The following MTCL1 variants were observed in gnomAD, a reference collection of about 807,000 sequenced individuals.
The protein encoded by MTCL1 is microtubule crosslinking factor 1, also known as microtubule cross-linking factor 1.
MTCL1 carries 79 observed loss-of-function variants against 141.4 expected under a neutral mutation model. That is an observed-to-expected ratio of 0.56 (90% CI 0.47 to 0.67). The LOEUF is 0.67. MTCL1 is among the 30% of genes least tolerant of loss of function. MTCL1 has a pLI of 0.00. For missense variants in MTCL1, 2,177 were observed against 2,113.9 expected (o/e 1.03, Z -0.59); for synonymous variants, 914 against 875.8 (o/e 1.04, Z -0.77).
chr18:8,752,622 AT>A (rs2096377535), intron 4 of MTCL1, among the ~76,000 whole-genome samples: 1 of 152,220 alleles, frequency 6.6e-6, no homozygotes. Flanking sequence ...GGGGGTAACT[AT>A]TTAAAAATCT....
At chr18:8,790,551 C>T (rs555874952) in intron 7 of MTCL1, among the ~76,000 whole-genome samples, 1 of 152,308 alleles carries the variant, frequency 6.6e-6, no homozygotes, top group Non-Finnish European at 1.5e-5. Context: ...CAGATGTGGC[C>T]GCTGTGTTTA....
At chr18:8,793,143 G>A (rs1475188973) in intron 8 of MTCL1, 23 bp downstream of exon 7, 1 of 1,611,284 alleles carries the variant, frequency 6.2e-7, no homozygotes, top group Non-Finnish European at 8.5e-7. Context: ...CACGGACTCA[G>A]CACAACCGCT....
chr18:8,706,456 C>G (rs910065756), exon 1 of MTCL1: 1 of 1,236,300 alleles, frequency 8.1e-7, no homozygotes, highest in South Asian at 3.9e-5. Context: ...CAGCCCCGAG[C>G]CCCCAGCGCT....
At chr18:8,790,574 C>G (rs1354142276) in intron 7 of MTCL1, among the ~76,000 whole-genome samples, 1 of 152,184 alleles carries the variant, frequency 6.6e-6, no homozygotes, top group Non-Finnish European at 1.5e-5. Flanking sequence ...GCTGTATCCC[C>G]CACGCTTTAG....
chr18:8,832,585 C>T (rs923577792), exon 17 of MTCL1: 5 of 152,126 alleles, frequency 3.3e-5, no homozygotes, highest in African/African-American at 4.8e-5. Flanking sequence ...CTTCTTGCAT[C>T]GATGATCCAA....
exon 15 of MTCL1, chr18:8,824,754 T>A: frequency 6.2e-7 from 1 of 1,614,094 alleles, no homozygotes; most frequent in South Asian, 1.1e-5. Context: ...CATCTCCCCC[T>A]TCCTGCCTGA....
chr18:8,720,308 C>A, intron 3 of MTCL1, 30 bp from the exon 3 acceptor site: 2 of 1,612,108 alleles, frequency 1.2e-6, no homozygotes, highest in Non-Finnish European at 1.7e-6. Flanking sequence ...AGCCTCATAT[C>A]CTGATAATGA....
chr18:8,821,903 T>C (rs1267599119), intron 14 of MTCL1, among the ~76,000 whole-genome samples: 1 of 151,868 alleles, frequency 6.6e-6, no homozygotes, highest in Non-Finnish European at 1.5e-5. Context: ...TTTATTAAAA[T>C]ATTTTCTGGC....
At chr18:8,717,904 C>A in exon 2 of MTCL1, 3 of 991,950 alleles carry the variant, frequency 3.0e-6, no homozygotes, top group Non-Finnish European at 3.6e-6. Flanking sequence ...TTGTGGATAG[C>A]GTCGCTTAGT....
chr18:8,789,024 A>G (rs1051722892), intron 7 of MTCL1, among the ~76,000 whole-genome samples: 1 of 152,216 alleles, frequency 6.6e-6, no homozygotes, highest in African/African-American at 2.4e-5. Context: ...GAGGCACCTT[A>G]AAAATAGTCC....
chr18:8,818,121 AC>A (rs1365843081), intron 12 of MTCL1, among the ~76,000 whole-genome samples: 1 of 152,222 alleles, frequency 6.6e-6, no homozygotes, highest in Non-Finnish European at 1.5e-5. Flanking sequence ...CTGGGCTCCC[AC>A]TAGACGGCAT....
intron 4 of MTCL1, among the ~76,000 whole-genome samples, chr18:8,774,181 G>GAA (rs2096495791): frequency 6.6e-6 from 1 of 152,042 alleles, no homozygotes; most frequent in Non-Finnish European, 1.5e-5. Flanking sequence ...GCCAACTTCT[G>GAA]TTCTTGATGA....
At chr18:8,793,005 G>T in exon 8 of MTCL1, 6 of 1,613,552 alleles carry the variant, frequency 3.7e-6, no homozygotes, top group Non-Finnish European at 5.1e-6. Context: ...CAGCTCAGGG[G>T]CCCCCCCGTT....
chr18:8,785,857 C>A (rs971236103), intron 6 of MTCL1, 79 bp from the exon 6 acceptor site: 1 of 1,507,802 alleles, frequency 6.6e-7, no homozygotes, highest in Non-Finnish European at 8.9e-7. Context: ...CTGCCTCCAC[C>A]CTTGTCCTTT....
chr18:8,781,216 A>G (rs917944442), intron 5 of MTCL1, among the ~76,000 whole-genome samples: 1 of 151,130 alleles, frequency 6.6e-6, no homozygotes, highest in Non-Finnish European at 1.5e-5. Flanking sequence ...GAATGAATGA[A>G]CAGATAAACG....
intron 14 of MTCL1, among the ~76,000 whole-genome samples, chr18:8,823,961 A>G (rs989644128): frequency 6.6e-6 from 1 of 152,186 alleles, no homozygotes. Context: ...TTGTGGGGTG[A>G]AAGGAGTATC....
At chr18:8,723,165 C>T (rs973401617) in intron 4 of MTCL1, among the ~76,000 whole-genome samples, 1 of 152,152 alleles carries the variant, frequency 6.6e-6, no homozygotes, top group Non-Finnish European at 1.5e-5. Context: ...CTAAATGAAT[C>T]ATAGAACCGA....
chr18:8,741,040 A>G lies in MTCL1; in HGVS notation c.357+20544A>G, dbSNP rs548576543. On this transcript the variant is annotated intron_variant, in intron 4 of 16. Coordinates refer to ENST00000359865, the Ensembl canonical transcript of MTCL1. The stretch of plus-strand genomic sequence containing the variant: ...AACCCTAAATTGTCCCCTTTTACAT[A>G]GGACAGTACCAGAGCCCAGAATGGT... Among the ~76,000 whole-genome samples, 96 of 152,344 alleles carry G rather than the reference A, an allele frequency of 6.3e-4. 1 individual carries two copies. Among genetic ancestry groups the G allele is most frequent in the African/African-American group, 1.7e-3 (72 of 41,572 alleles).
intron 4 of MTCL1, among the ~76,000 whole-genome samples, chr18:8,752,460 T>A (rs996326990): frequency 6.6e-6 from 1 of 152,172 alleles, no homozygotes; most frequent in Non-Finnish European, 1.5e-5. Flanking sequence ...CTTTTTTATG[T>A]TTGATTTGAA....
Sources: allele counts gnomAD v4.1 joint callset (sites outside exome capture counted in the v4.1 genomes callset), GRCh38; gene constraint gnomAD v4.1.1; transcripts MANE v1.5; gene names NCBI Gene and HGNC (gene_info 2026-07-23, HGNC 2026-07-21).